Variants in ASPH observed in about 807,000 individuals in gnomAD.
The protein encoded by ASPH is aspartyl/asparaginyl beta-hydroxylase.
In ASPH, 100 loss-of-function variants were observed where a neutral mutation model predicts 118.4. That is an observed-to-expected ratio of 0.84 (90% CI 0.72 to 1.00). The LOEUF (loss-of-function observed/expected upper bound fraction) is 1.00. Among genes scored for constraint, ASPH ranks in the 50% least tolerant of loss-of-function variants. The pLI is 0.00. For synonymous variants in ASPH, 315 were observed against 325.6 expected, an observed-to-expected ratio of 0.97 and a Z score of 0.35; for missense variants, 920 against 919.5, an observed-to-expected ratio of 1.00 and a Z score of -0.01.
At chr8:61,633,616 A>C in intron 13 of ASPH, 67 bp downstream of exon 13, 1 of 1,296,356 alleles carries the variant, frequency 7.7e-7, no homozygotes. Context: ...TTATAAAGCT[A>C]TTGGTAATAT....
rs564414020 is a variant in ASPH at position 61,598,988 on chromosome 8, C to T, written c.977-14959G>A. Among the ~76,000 whole-genome samples, 5 of 152,130 alleles carry T rather than the reference C, an allele frequency of 3.3e-5. No homozygotes were observed. The South Asian group carries it at 1.0e-3, about 32-fold the overall frequency. On this transcript the variant is annotated intron_variant, in intron 14 of 24. Coordinates refer to ENST00000379454, the MANE Select transcript of ASPH (RefSeq NM_004318.4). ...ACAACATACCAAAACCCATGAGATA[C>T]AGTAGTGCTAAGAAGGAAGTTTATA...
Position 61,637,461 on chromosome 8 carries a change from T to C in ASPH, c.889+486A>G, listed in dbSNP as rs555971288. 1.3e-3 allele frequency among the ~76,000 whole-genome samples: 193 copies of C among 152,338 alleles called. 1 individual carries two copies. Among genetic ancestry groups the C allele is most frequent in the African/African-American group, 4.2e-3 (174 of 41,566 alleles). ...AAGAACTGTATTTAAATCTAAGTTC[T>C]ATTGAAGCGCCACTGTTTAATACAT... On this transcript the variant is annotated intron_variant, in intron 12 of 24. Coordinates refer to ENST00000379454, the MANE Select transcript of ASPH (RefSeq NM_004318.4).
At chr8:61,562,955 A>G in intron 17 of ASPH, 75 bp from the exon 18 acceptor site, 1 of 1,415,184 alleles carries the variant, frequency 7.1e-7, no homozygotes, top group East Asian at 2.5e-5. Flanking sequence ...AATGTAAGTC[A>G]TGAGAGACTA....
intron 1 of ASPH, among the ~76,000 whole-genome samples, chr8:61,696,022 A>C (rs1243594839): frequency 6.6e-6 from 1 of 152,178 alleles, no homozygotes; most frequent in Non-Finnish European, 1.5e-5. Flanking sequence ...TGGTTTCTAG[A>C]CTCTGATTTC....
At chr8:61,511,846 C>T (rs1449923220) in intron 24 of ASPH, among the ~76,000 whole-genome samples, 5 of 152,108 alleles carry the variant, frequency 3.3e-5, no homozygotes, top group Admixed American at 1.3e-4. Context: ...TCAAGTGATC[C>T]GCCTGCCTCG....
At chr8:61,554,264 C>T (rs1827048649) in intron 19 of ASPH, among the ~76,000 whole-genome samples, 1 of 152,200 alleles carries the variant, frequency 6.6e-6, no homozygotes, top group African/African-American at 2.4e-5. Flanking sequence ...GGAAGTGAGC[C>T]AGATATGACG....
intron 21 of ASPH, among the ~76,000 whole-genome samples, chr8:61,542,917 G>A (rs1215960817): frequency 6.6e-6 from 1 of 151,968 alleles, no homozygotes; most frequent in Non-Finnish European, 1.5e-5. Flanking sequence ...TCTCCTCTAT[G>A]GTTTCTGATG....
At chr8:61,652,834 T>C (rs1322373117) in intron 4 of ASPH, among the ~76,000 whole-genome samples, 1 of 152,108 alleles carries the variant, frequency 6.6e-6, no homozygotes, top group Non-Finnish European at 1.5e-5. Context: ...CAGAGCAACA[T>C]ATTGGCCTTA....
At chr8:61,661,660 A>T (rs565329487) in intron 3 of ASPH, 54 of 282,036 alleles carry the variant, frequency 1.9e-4, no homozygotes, top group African/African-American at 9.1e-4. Context: ...TACAAATGAC[A>T]CTTGTTTACT....
At chr8:61,699,507 C>T (rs1313145224) in intron 1 of ASPH, among the ~76,000 whole-genome samples, 5 of 152,066 alleles carry the variant, frequency 3.3e-5, no homozygotes, top group South Asian at 4.1e-4. Context: ...AGTATATTAT[C>T]TCATGTCTCT....
chr8:61,543,831 G>A (rs1822829035), intron 21 of ASPH, among the ~76,000 whole-genome samples: 1 of 152,040 alleles, frequency 6.6e-6, no homozygotes, highest in African/African-American at 2.4e-5. Flanking sequence ...CTGACTTTCT[G>A]GATTAATTTT....
At chr8:61,704,935 A>G (rs955472717) in intron 1 of ASPH, among the ~76,000 whole-genome samples, 6 of 152,230 alleles carry the variant, frequency 3.9e-5, no homozygotes, top group African/African-American at 1.4e-4. Context: ...ATAAAACTAA[A>G]CATACACCTA....
chr8:61,633,769 A>C (rs201108421), intron 12 of ASPH, 42 bp from the exon 13 acceptor site: 2 of 1,421,634 alleles, frequency 1.4e-6, no homozygotes, highest in Admixed American at 4.2e-5. Context: ...CATATTGCTG[A>C]TCAGTGTTTA....
At chr8:61,529,209 G>T (rs1816638290) in intron 21 of ASPH, among the ~76,000 whole-genome samples, 2 of 152,104 alleles carry the variant, frequency 1.3e-5, no homozygotes, top group African/African-American at 4.8e-5. Context: ...TTAGGCACAG[G>T]GATTTCAGGC....
chr8:61,512,751 T>C (rs1809389464), intron 24 of ASPH, among the ~76,000 whole-genome samples: 1 of 152,210 alleles, frequency 6.6e-6, no homozygotes, highest in South Asian at 2.1e-4. Flanking sequence ...AGTTAACGTA[T>C]GTAGAGTGCT....
intron 3 of ASPH, among the ~76,000 whole-genome samples, chr8:61,669,835 A>G (rs1821523390): frequency 6.6e-6 from 1 of 152,204 alleles, no homozygotes; most frequent in Non-Finnish European, 1.5e-5. Flanking sequence ...AAAGAGCTAT[A>G]TGGATGAAAA....
chr8:61,501,688 T>G lies in ASPH; in HGVS notation c.*1671A>C, dbSNP rs1351138226. ...TCGATTTTAGTAATTAATTTGGATA[T>G]TTTTCCTCCCATGCCTCTTCATCTG... On this transcript the variant is annotated 3_prime_UTR_variant, in exon 25 of 25. Transcript: ENST00000379454. 3.9e-5 allele frequency: 6 copies of G among 152,178 alleles called. No homozygotes were observed. Among genetic ancestry groups the G allele is most frequent in the Admixed American group, 1.3e-4 (2 of 15,272 alleles). 9.4% of individuals were successfully genotyped at this position (152,178 alleles called of 1,614,324 possible).
At chr8:61,651,255 T>G in intron 4 of ASPH, 131 bp from the exon 5 acceptor site, 1 of 637,898 alleles carries the variant, frequency 1.6e-6, no homozygotes, top group Non-Finnish European at 2.5e-6. Flanking sequence ...GCATGCCTTC[T>G]CTATCAGCTT....
intron 1 of ASPH, among the ~76,000 whole-genome samples, chr8:61,698,362 C>T (rs1013526285): frequency 6.6e-5 from 10 of 152,196 alleles, no homozygotes; most frequent in African/African-American, 2.2e-4. Context: ...CATTTAGTTA[C>T]GTTACGATTT....
Sources: gnomAD v4.1 joint callset for allele counts (sites outside exome capture counted in the v4.1 genomes callset) on GRCh38, gnomAD v4.1.1 for gene constraint, MANE v1.5 for transcripts, NCBI Gene and HGNC (gene_info 2026-07-23, HGNC 2026-07-21) for gene names.